The following PPFIA2 variants were observed in gnomAD, a reference collection of about 807,000 sequenced individuals.
PPFIA2 encodes liprin-alpha-2.
PPFIA2 carries 46 observed loss-of-function variants against 175.5 expected under a neutral mutation model. That is an observed-to-expected ratio of 0.26 (90% CI 0.21 to 0.34). The LOEUF is 0.34. Ranked by LOEUF, PPFIA2 falls within the 10% of genes least tolerant of loss-of-function variation. The probability of loss-of-function intolerance (pLI) is 1.00; values close to 1 mark genes in which losing one functional copy is unlikely to be tolerated. For synonymous variants in PPFIA2, 568 were observed against 511.4 expected (o/e 1.11, Z -1.49); for missense variants, 1,179 against 1,506.1 (o/e 0.78, Z 3.60).
intron 4 of PPFIA2, among the ~76,000 whole-genome samples, chr12:81,632,325 A>C (rs577557964): frequency 1.3e-5 from 2 of 152,244 alleles, no homozygotes; most frequent in African/African-American, 4.8e-5. Flanking sequence ...TTACTCCATC[A>C]GATGAAATTA....
At chr12:81,738,185 A>G (rs2081878175) in intron 3 of PPFIA2, among the ~76,000 whole-genome samples, 1 of 151,924 alleles carries the variant, frequency 6.6e-6, no homozygotes, top group African/African-American at 2.4e-5. Context: ...CAACAGCAAC[A>G]ATGAAAGTCA....
intron 15 of PPFIA2, among the ~76,000 whole-genome samples, chr12:81,358,492 A>G (rs541457911): frequency 1.3e-5 from 2 of 152,314 alleles, no homozygotes; most frequent in African/African-American, 4.8e-5. Context: ...TTTCAAATGC[A>G]GTAGTAAAAT....
chr12:81,388,486 G>A (rs142822671), intron 8 of PPFIA2, among the ~76,000 whole-genome samples: 2 of 152,074 alleles, frequency 1.3e-5, no homozygotes, highest in African/African-American at 4.8e-5. Flanking sequence ...TGTTGCCTGG[G>A]CTGGGAGTTG....
chr12:81,382,994 A>G (rs1434016180), intron 9 of PPFIA2, among the ~76,000 whole-genome samples: 1 of 152,148 alleles, frequency 6.6e-6, no homozygotes. Flanking sequence ...AAACCAGAAG[A>G]GGATAATGTG....
intron 6 of PPFIA2, among the ~76,000 whole-genome samples, chr12:81,444,917 A>G (rs767561464): frequency 8.5e-5 from 13 of 152,108 alleles, no homozygotes; most frequent in Non-Finnish European, 1.3e-4. Flanking sequence ...GGATATTATC[A>G]TCATATTGGT....
intron 5 of PPFIA2, among the ~76,000 whole-genome samples, chr12:81,446,935 T>A (rs1235898028): frequency 6.6e-6 from 1 of 152,108 alleles, no homozygotes; most frequent in East Asian, 1.9e-4. Flanking sequence ...TTGCCATTAT[T>A]GGGCACAAAG....
chr12:81,557,817 A>C (rs752530119), intron 4 of PPFIA2, among the ~76,000 whole-genome samples: 14 of 152,242 alleles, frequency 9.2e-5, no homozygotes, highest in Non-Finnish European at 1.5e-4. Context: ...TGTGTAATTT[A>C]CTTAAAAGTA....
intron 4 of PPFIA2, among the ~76,000 whole-genome samples, chr12:81,656,878 A>T (rs960576724): frequency 6.6e-6 from 1 of 152,052 alleles, no homozygotes; most frequent in East Asian, 1.9e-4. Context: ...TTAATAGCCG[A>T]TCATAAAATC....
At chr12:81,273,885 C>G (rs11114811) in intron 28 of PPFIA2, among the ~76,000 whole-genome samples, 10 of 149,908 alleles carry the variant, frequency 6.7e-5, no homozygotes, top group African/African-American at 1.2e-4. Context: ...TTCTCCCCGC[C>G]CCCCCCCAAA....
chr12:81,541,131 A>G (rs1437911242), intron 4 of PPFIA2, among the ~76,000 whole-genome samples: 4 of 152,154 alleles, frequency 2.6e-5, no homozygotes, highest in African/African-American at 9.7e-5. Flanking sequence ...TTTAAAATTT[A>G]TCAGTGTTGA....
chr12:81,331,201 C>A (rs2056051709), intron 21 of PPFIA2, among the ~76,000 whole-genome samples: 1 of 152,200 alleles, frequency 6.6e-6, no homozygotes, highest in Admixed American at 6.5e-5. Flanking sequence ...TTTCACTATA[C>A]CTTTTATGTT....
At chr12:81,389,314 C>T (rs1019668303) in intron 8 of PPFIA2, among the ~76,000 whole-genome samples, 4 of 151,450 alleles carry the variant, frequency 2.6e-5, no homozygotes, top group African/African-American at 7.3e-5. Context: ...CTTGTTAATG[C>T]ACTTAACAAG....
At chr12:81,489,210 T>C (rs947218141) in intron 4 of PPFIA2, among the ~76,000 whole-genome samples, 1 of 151,808 alleles carries the variant, frequency 6.6e-6, no homozygotes, top group African/African-American at 2.4e-5. Context: ...TTTAGTTCCC[T>C]AGTTGCTCAG....
chr12:81,446,034 GATA>G (rs2051184377), intron 5 of PPFIA2, among the ~76,000 whole-genome samples: 1 of 152,160 alleles, frequency 6.6e-6, no homozygotes, highest in South Asian at 2.1e-4. Context: ...AAATATGTAT[GATA>G]ATGATGAAAG....
At chr12:81,394,222 T>C (rs1288255105) in intron 8 of PPFIA2, among the ~76,000 whole-genome samples, 4 of 151,996 alleles carry the variant, frequency 2.6e-5, no homozygotes, top group African/African-American at 9.7e-5. Context: ...TTTAGATAAC[T>C]TAGGCAGAAC....
At position 81,467,712 on chromosome 12, in the gene PPFIA2, G is replaced by C. The variant is rs182922824; in HGVS notation, c.304-9846C>G. 2.0e-3 allele frequency among the ~76,000 whole-genome samples: 304 copies of C among 152,170 alleles called. 2 individuals are homozygous for C. The highest frequency in any genetic ancestry group is 2.2e-3 in the Non-Finnish European group (149 of 68,002). On this transcript the variant is annotated intron_variant, in intron 4 of 32. Coordinates refer to ENST00000549396, the MANE Select transcript of PPFIA2 (RefSeq NM_003625.5). ...TCACACACCTCTCAAGATGTTTTCTGGTGTCTGAAATGCAATGATAGTATA... is the reference window on the plus strand; with the variant it reads ...TCACACACCTCTCAAGATGTTTTCTCGTGTCTGAAATGCAATGATAGTATA...
At chr12:81,369,467 A>G (rs1189478362) in intron 11 of PPFIA2, 3 of 1,257,700 alleles carry the variant, frequency 2.4e-6, no homozygotes, top group Non-Finnish European at 3.0e-6. Flanking sequence ...TGGTTTGAAC[A>G]CAAACCTGCC....
intron 7 of PPFIA2, among the ~76,000 whole-genome samples, chr12:81,434,167 G>A (rs2048580810): frequency 6.6e-6 from 1 of 151,990 alleles, no homozygotes; most frequent in Non-Finnish European, 1.5e-5. Context: ...AGTAGAATCT[G>A]TAGGTTAGGA....
intron 30 of PPFIA2, among the ~76,000 whole-genome samples, chr12:81,266,313 A>C (rs1300875710): frequency 6.6e-6 from 1 of 152,124 alleles, no homozygotes; most frequent in East Asian, 1.9e-4. Context: ...TAAAATGTCT[A>C]CAGTCCACAG....
Sources: allele counts gnomAD v4.1 joint callset (sites outside exome capture counted in the v4.1 genomes callset), GRCh38; gene constraint gnomAD v4.1.1; transcripts MANE v1.5; gene names NCBI Gene and HGNC (gene_info 2026-07-23, HGNC 2026-07-21).